PPP1R14C: variants seen among roughly 807,000 people sequenced by gnomAD.
PPP1R14C encodes protein phosphatase 1 regulatory subunit 14C.
A neutral mutation model predicts 20.4 loss-of-function variants in PPP1R14C; 16 were observed. The ratio of observed to expected loss-of-function variants is 0.78; its 90% CI spans 0.53 to 1.19. The LOEUF (loss-of-function observed/expected upper bound fraction) is 1.19. Among genes scored for constraint, PPP1R14C ranks in the 50% most tolerant of loss-of-function variants. The pLI is 0.00. For synonymous variants in PPP1R14C, 91 were observed against 91.0 expected, an observed-to-expected ratio of 1.00 and a Z score of 0.00; for missense variants, 211 against 220.1, an observed-to-expected ratio of 0.96 and a Z score of 0.26.
In PPP1R14C at chr6:150,143,869, TG is replaced by T. The variant is rs1777152812; in HGVS notation, c.306+375del. 6.6e-6 allele frequency among the ~76,000 whole-genome samples: 1 copy of T among 152,198 alleles called. No individual in the cohort carries two copies. The stretch of plus-strand genomic sequence containing the variant: ...ACTCCAGCTGCGCCTCAGCAGCGGT[TG>T]GGGATACAGCAGCCAAAGAGAGCAG... On this transcript the variant is annotated intron_variant, in intron 1 of 3. Coordinates refer to ENST00000361131, the MANE Select transcript of PPP1R14C (RefSeq NM_030949.3). This position sits in a 1 kb window ranked among gnomAD's most constrained non-coding sequence, Gnocchi z 5.6.
chr6:150,205,395 G>A (rs1246346575), intron 1 of PPP1R14C, among the ~76,000 whole-genome samples: 4 of 152,122 alleles, frequency 2.6e-5, no homozygotes, highest in African/African-American at 9.7e-5. Context: ...GCATAGGTGT[G>A]AGCTTGGTAC....
intron 1 of PPP1R14C, among the ~76,000 whole-genome samples, chr6:150,193,876 G>A (rs996588118): frequency 3.9e-5 from 6 of 152,036 alleles, no homozygotes; most frequent in African/African-American, 1.4e-4. Flanking sequence ...GCCTAATGTG[G>A]GTGACATGGT....
At chr6:150,224,810 T>G (rs752759705) in intron 3 of PPP1R14C, among the ~76,000 whole-genome samples, 3 of 152,188 alleles carry the variant, frequency 2.0e-5, no homozygotes, top group Non-Finnish European at 4.4e-5. Flanking sequence ...TACTGTGTGT[T>G]ATAATTTTTT....
chr6:150,230,418 T>C (rs1778280180), intron 3 of PPP1R14C, among the ~76,000 whole-genome samples: 1 of 152,198 alleles, frequency 6.6e-6, no homozygotes, highest in Non-Finnish European at 1.5e-5. Context: ...AGGAAGTAAC[T>C]GATCAGGGGC....
intron 1 of PPP1R14C, among the ~76,000 whole-genome samples, chr6:150,165,033 A>G (rs1777409117): frequency 6.6e-6 from 1 of 152,238 alleles, no homozygotes; most frequent in Non-Finnish European, 1.5e-5. Flanking sequence ...TGGTACCTTG[A>G]TGAACTTCCC....
At chr6:150,190,998 TA>T (rs1307331917) in intron 1 of PPP1R14C, among the ~76,000 whole-genome samples, 2 of 152,160 alleles carry the variant, frequency 1.3e-5, no homozygotes, top group African/African-American at 4.8e-5. Context: ...TCCCCCACCC[TA>T]CCCACACGGT....
chr6:150,175,760 T>C (rs1350652507), intron 1 of PPP1R14C, among the ~76,000 whole-genome samples: 1 of 152,230 alleles, frequency 6.6e-6, no homozygotes, highest in East Asian at 1.9e-4. Flanking sequence ...GGCTCTTGAC[T>C]GTGCTAGGTA....
At chr6:150,226,613 T>C (rs1258976204) in intron 3 of PPP1R14C, among the ~76,000 whole-genome samples, 1 of 152,202 alleles carries the variant, frequency 6.6e-6, no homozygotes, top group African/African-American at 2.4e-5. Context: ...AGTTGTCTAG[T>C]CAATGAGCTT....
chr6:150,204,832 C>A (rs1287491522), intron 1 of PPP1R14C, among the ~76,000 whole-genome samples: 1 of 152,154 alleles, frequency 6.6e-6, no homozygotes, highest in Non-Finnish European at 1.5e-5. Context: ...AGCAGGGCAG[C>A]CTGGGGCATA....
In PPP1R14C at chr6:150,226,591, G is replaced by A. The variant is rs79453576; in HGVS notation, c.423+9735G>A. Among the ~76,000 whole-genome samples the A allele has an allele frequency of 5.9e-3, 903 of 152,222 alleles. 48 individuals carry two copies. In the East Asian group the frequency reaches 0.11, roughly 19 times the overall value. ...TGGGCTTGAGGGCATCTGCCTTACC[G>A]TCTGTTAGGGGAGTTGTCTAGTCAA... On this transcript the variant is annotated intron_variant, in intron 3 of 3. Coordinates refer to ENST00000361131, the MANE Select transcript of PPP1R14C (RefSeq NM_030949.3).
chr6:150,169,022 A>C (rs1777468783), intron 1 of PPP1R14C, among the ~76,000 whole-genome samples: 1 of 152,148 alleles, frequency 6.6e-6, no homozygotes, highest in African/African-American at 2.4e-5. Context: ...GACTATCGGC[A>C]CGCGCCACCA....
chr6:150,210,535 T>A (rs913153347), intron 1 of PPP1R14C, among the ~76,000 whole-genome samples: 1 of 152,202 alleles, frequency 6.6e-6, no homozygotes, highest in African/African-American at 2.4e-5. Context: ...CTCTTCCTTC[T>A]GTCATTCCCC....
intron 1 of PPP1R14C, among the ~76,000 whole-genome samples, chr6:150,181,640 C>G (rs1037524659): frequency 1.3e-5 from 2 of 152,200 alleles, no homozygotes; most frequent in Non-Finnish European, 2.9e-5. Flanking sequence ...GGGAAAATGT[C>G]AGCTCTGCGC....
At position 150,143,616 on chromosome 6, in the gene PPP1R14C, T is replaced by G; in HGVS notation, c.306+118T>G. Reference sequence around the variant, plus strand: ...ATGTCCCTGACTCCCGGGGACCAAGTGCCAGGAGCGAGGCGCGGCGCCTTC... The same window carrying G: ...ATGTCCCTGACTCCCGGGGACCAAGGGCCAGGAGCGAGGCGCGGCGCCTTC... On this transcript the variant is annotated intron_variant, in intron 1 of 3. Coordinates refer to ENST00000361131, the MANE Select transcript of PPP1R14C (RefSeq NM_030949.3). The surrounding 1 kb of genome is among the most constrained non-coding windows in gnomAD (Gnocchi z 5.6). 1.3e-6 allele frequency: 1 copy of G among 741,632 alleles called. No homozygotes were observed. The highest frequency in any genetic ancestry group is 2.1e-6 in the Non-Finnish European group (1 of 471,556). The allele number at this position is 741,632 out of a possible 1,614,324, so 45.9% of individuals were successfully genotyped here.
intron 1 of PPP1R14C, among the ~76,000 whole-genome samples, chr6:150,190,305 C>T (rs1400569670): frequency 6.6e-6 from 1 of 152,004 alleles, no homozygotes; most frequent in Non-Finnish European, 1.5e-5. Flanking sequence ...AAGCCCAGCC[C>T]CTGATCTTCA....
intron 1 of PPP1R14C, among the ~76,000 whole-genome samples, chr6:150,154,480 GA>G (rs1279610323): frequency 6.6e-6 from 1 of 152,022 alleles, no homozygotes; most frequent in Non-Finnish European, 1.5e-5. Context: ...TTCTTGATTT[GA>G]AAAAAAATGA....
chr6:150,234,848 C>CAAAA (rs56139981), intron 3 of PPP1R14C, among the ~76,000 whole-genome samples: 7 of 41,830 alleles, frequency 1.7e-4, no homozygotes, highest in South Asian at 1.1e-3. Context: ...GACTCTGTCT[C>CAAAA]AAAAAAAAAA....
intron 3 of PPP1R14C, among the ~76,000 whole-genome samples, chr6:150,218,118 A>AG (rs1778117617): frequency 6.6e-6 from 1 of 152,058 alleles, no homozygotes; most frequent in African/African-American, 2.4e-5. Context: ...AAGAAAAAAA[A>AG]ATTGGCCTGT....
intron 1 of PPP1R14C, among the ~76,000 whole-genome samples, chr6:150,193,285 CA>C (rs917374512): frequency 1.5e-4 from 23 of 152,000 alleles, no homozygotes; most frequent in African/African-American, 5.1e-4. Context: ...GAGGAAGAGA[CA>C]AGGATGTCTC....
Sources: gnomAD v4.1 joint callset for allele counts (sites outside exome capture counted in the v4.1 genomes callset) on GRCh38, gnomAD v4.1.1 for gene constraint, Gnocchi (gnomAD v3.1) non-coding constraint, MANE v1.5 for transcripts, NCBI Gene and HGNC (gene_info 2026-07-23, HGNC 2026-07-21) for gene names.